BMPER: variants seen among roughly 807,000 people sequenced by gnomAD.
BMPER encodes BMP binding endothelial regulator, also known as BMP-binding endothelial regulator protein.
BMPER carries 45 observed loss-of-function variants against 87.3 expected under a neutral mutation model. That is an observed-to-expected ratio of 0.52 (90% confidence interval 0.41 to 0.66). The LOEUF (loss-of-function observed/expected upper bound fraction) is 0.66. Among genes scored for constraint, BMPER ranks in the 30% least tolerant of loss-of-function variants. The pLI is 0.00. For missense variants in BMPER, 784 were observed against 867.5 expected (o/e 0.90, Z 1.21); for synonymous variants, 326 against 316.2 (o/e 1.03, Z -0.33).
intron 7 of BMPER, among the ~76,000 whole-genome samples, chr7:34,050,307 A>G (rs78417989): frequency 0.1 from 15,703 of 152,162 alleles, 911 homozygotes; most frequent in African/African-American, 0.16. Context: ...TTTATGAGTG[A>G]AGTCAGTGAG....
intron 13 of BMPER, among the ~76,000 whole-genome samples, chr7:34,092,538 A>G (rs1292133591): frequency 6.6e-6 from 1 of 152,192 alleles, no homozygotes; most frequent in Non-Finnish European, 1.5e-5. Context: ...CAATTTGCCT[A>G]ATAGTCGCAT....
At chr7:34,068,998 C>CA (rs1788666792) in intron 11 of BMPER, among the ~76,000 whole-genome samples, 1 of 152,138 alleles carries the variant, frequency 6.6e-6, no homozygotes, top group East Asian at 1.9e-4. Context: ...ATAGGTGTAG[C>CA]ATTATGACAT....
At chr7:33,965,166 G>C (rs1785374593) in intron 3 of BMPER, among the ~76,000 whole-genome samples, 2 of 152,170 alleles carry the variant, frequency 1.3e-5, no homozygotes, top group Admixed American at 6.5e-5. Context: ...AACACTTCAT[G>C]CAAAGGAAAT....
At chr7:33,905,809 GCGCTGGCT>G in intron 1 of BMPER, 63 bp downstream of exon 1, 1 of 1,466,158 alleles carries the variant, frequency 6.8e-7, no homozygotes. Context: ...GGGAAAGGTG[GCGCTGGCT>G]TGCCCCGGGG....
intron 6 of BMPER, among the ~76,000 whole-genome samples, chr7:34,033,374 GT>G (rs945410296): frequency 1.3e-5 from 2 of 152,068 alleles, no homozygotes; most frequent in African/African-American, 4.8e-5. Flanking sequence ...TGAGTTATTT[GT>G]TTATATCAGT....
intron 13 of BMPER, among the ~76,000 whole-genome samples, chr7:34,102,861 C>T (rs562376465): frequency 6.6e-6 from 1 of 152,028 alleles, no homozygotes; most frequent in Non-Finnish European, 1.5e-5. Flanking sequence ...AGAAACACAG[C>T]AGGGGAGGAG....
chr7:34,075,778 C>T (rs1157986812), intron 11 of BMPER, among the ~76,000 whole-genome samples: 3 of 152,090 alleles, frequency 2.0e-5, no homozygotes, highest in Admixed American at 6.6e-5. Context: ...TTTTCTGTCC[C>T]CTAAGTGTTC....
intron 6 of BMPER, among the ~76,000 whole-genome samples, chr7:34,002,297 A>G (rs914278540): frequency 8.6e-5 from 13 of 151,816 alleles, no homozygotes; most frequent in African/African-American, 3.1e-4. Flanking sequence ...CTTTCAGTAC[A>G]GTATTCAATA....
At chr7:33,988,821 T>C (rs540649947) in intron 6 of BMPER, among the ~76,000 whole-genome samples, 211 of 125,128 alleles carry the variant, frequency 1.7e-3, no homozygotes, top group Non-Finnish European at 2.8e-3. Flanking sequence ...TGTGTCCATG[T>C]GATCTCATTG....
chr7:34,153,394 A>ATG lies in BMPER; in HGVS notation c.*125_*126dup, dbSNP rs927105464. ...GTAAACACACACACACAGAGTATATATGTGTATATATATATAGATATATTC... is the reference window on the plus strand; with the variant it reads ...GTAAACACACACACACAGAGTATATATGTGTGTATATATATATAGATATATTC... On this transcript the variant is annotated 3_prime_UTR_variant, in exon 15 of 15. Coordinates refer to ENST00000649409, the MANE Select transcript of BMPER (RefSeq NM_001365308.1). The ATG allele has an allele frequency of 1.7e-5, 15 of 862,420 alleles. No homozygotes were observed. Among genetic ancestry groups the ATG allele is most frequent in the Middle Eastern group, 3.5e-4 (1 of 2,868 alleles). The allele number at this position is 862,420 out of a possible 1,614,324, so 53.4% of individuals were successfully genotyped here.
intron 6 of BMPER, among the ~76,000 whole-genome samples, chr7:34,022,611 C>T (rs979705003): frequency 6.7e-6 from 1 of 149,470 alleles, no homozygotes; most frequent in Admixed American, 6.7e-5. Context: ...CTCTACTGCT[C>T]AGCCTGGAAT....
intron 2 of BMPER, among the ~76,000 whole-genome samples, chr7:33,919,214 G>C (rs902130345): frequency 1.3e-5 from 2 of 152,202 alleles, no homozygotes; most frequent in African/African-American, 4.8e-5. Context: ...TGAAATTTTT[G>C]ATAGTTGTCT....
intron 13 of BMPER, among the ~76,000 whole-genome samples, chr7:34,132,416 G>A (rs1032230222): frequency 3.3e-5 from 5 of 151,622 alleles, no homozygotes; most frequent in African/African-American, 1.2e-4. Context: ...CCCCAGGATC[G>A]AAGCCAGTTC....
rs555922561 is a variant in BMPER, at chr7:33,906,742, G to C, written c.134-76G>C. Reference sequence around the variant, plus strand: ...TGGGTAGAGGTTTCAAAAAGGATTAGTGTAAAAATTTTAAATGTTGAAATC... The same window carrying C: ...TGGGTAGAGGTTTCAAAAAGGATTACTGTAAAAATTTTAAATGTTGAAATC... On this transcript the variant is annotated intron_variant, in intron 1 of 14. Coordinates refer to ENST00000649409, the MANE Select transcript of BMPER (RefSeq NM_001365308.1). 9.9e-6 allele frequency: 13 copies of C among 1,312,720 alleles called. No individual in the cohort carries two copies. The African/African-American group carries it at 1.6e-4, about 16-fold the overall frequency. The allele number at this position is 1,312,720 out of a possible 1,614,324, so 81.3% of individuals were successfully genotyped here.
At chr7:33,981,492 C>T (rs768177200) in intron 6 of BMPER, among the ~76,000 whole-genome samples, 21 of 152,064 alleles carry the variant, frequency 1.4e-4, no homozygotes, top group Non-Finnish European at 5.9e-5. Context: ...TTTATAGCAC[C>T]CCATACTTTA....
At chr7:34,003,359 C>T (rs879826347) in intron 6 of BMPER, among the ~76,000 whole-genome samples, 21 of 151,836 alleles carry the variant, frequency 1.4e-4, no homozygotes, top group Admixed American at 9.8e-4. Context: ...AAACTTTGTT[C>T]CAATATATCT....
At chr7:34,116,306 C>T (rs1421717757) in intron 13 of BMPER, among the ~76,000 whole-genome samples, 7 of 152,206 alleles carry the variant, frequency 4.6e-5, no homozygotes, top group Non-Finnish European at 1.0e-4. Context: ...TGACCTCTTC[C>T]TTCTAGTATA....
intron 11 of BMPER, among the ~76,000 whole-genome samples, chr7:34,065,653 C>T (rs1788569848): frequency 6.6e-6 from 1 of 152,274 alleles, no homozygotes; most frequent in African/African-American, 2.4e-5. Context: ...TATTTTAATT[C>T]TCTAACCCTG....
At chr7:34,086,511 G>T (rs1789214912) in intron 13 of BMPER, among the ~76,000 whole-genome samples, 1 of 152,174 alleles carries the variant, frequency 6.6e-6, no homozygotes, top group Non-Finnish European at 1.5e-5. Context: ...GAATGAGTCT[G>T]GTTATTCTAC....
Sources: gnomAD v4.1 joint callset for allele counts (sites outside exome capture counted in the v4.1 genomes callset) on GRCh38, gnomAD v4.1.1 for gene constraint, MANE v1.5 for transcripts, NCBI Gene and HGNC (gene_info 2026-07-23, HGNC 2026-07-21) for gene names.